PTPN9: variants seen among roughly 807,000 people sequenced by gnomAD.
The protein encoded by PTPN9 is protein tyrosine phosphatase non-receptor type 9.
PTPN9 carries 26 observed loss-of-function variants against 69.8 expected under a neutral mutation model. The observed-to-expected ratio is 0.37, with a 90% CI of 0.27 to 0.52. The LOEUF (loss-of-function observed/expected upper bound fraction) is 0.52. PTPN9 is among the 20% of genes least tolerant of loss of function. The pLI, the probability that PTPN9 is intolerant of heterozygous loss-of-function variation, is 0.91. For synonymous variants in PTPN9, 274 were observed against 272.5 expected, an observed-to-expected ratio of 1.01 and a Z score of -0.05; for missense variants, 549 against 740.3, an observed-to-expected ratio of 0.74 and a Z score of 3.00.
intron 5 of PTPN9, among the ~76,000 whole-genome samples, chr15:75,516,693 T>A (rs1363540194): frequency 7.2e-6 from 1 of 139,568 alleles, no homozygotes; most frequent in Non-Finnish European, 1.6e-5. Context: ...CAGGCGTGAG[T>A]CATGGCACCC....
chr15:75,578,465 A>G (rs2075183773), intron 1 of PTPN9, among the ~76,000 whole-genome samples: 1 of 152,150 alleles, frequency 6.6e-6, no homozygotes, highest in African/African-American at 2.4e-5. Flanking sequence ...TGGGGTGCGG[A>G]GGGCACCGTC....
chr15:75,572,693 C>T (rs916141559), intron 1 of PTPN9, among the ~76,000 whole-genome samples: 2 of 150,906 alleles, frequency 1.3e-5, no homozygotes, highest in Non-Finnish European at 2.9e-5. Context: ...GGCGACAGAG[C>T]GAGACTCTGT....
In PTPN9 at chr15:75,537,753, C is replaced by CAAAAAAAA. The variant is rs1164644727; in HGVS notation, c.64-10500_64-10493dup. 2.5e-3 allele frequency among the ~76,000 whole-genome samples: 29 copies of CAAAAAAAA among 11,386 alleles called. 3 individuals are homozygous for CAAAAAAAA. The highest frequency in any genetic ancestry group is 8.2e-3 in the African/African-American group (18 of 2,194). 7.5% of individuals were successfully genotyped at this position (11,386 alleles called of 152,430 possible). On this transcript the variant is annotated intron_variant, in intron 1 of 12. Transcript: ENST00000618819. ...AGGGCAACAGAGGGAGACTCCATCT[C>CAAAAAAAA]AAAAAAAAAAAAAAAAAAAAAAAGG...
At chr15:75,489,031 C>T (rs1250460735) in intron 8 of PTPN9, among the ~76,000 whole-genome samples, 1 of 151,624 alleles carries the variant, frequency 6.6e-6, no homozygotes, top group Non-Finnish European at 1.5e-5. Flanking sequence ...AAATATTAGC[C>T]GGGCGTGGTG....
At chr15:75,504,013 C>T (rs554272052) in intron 7 of PTPN9, among the ~76,000 whole-genome samples, 5 of 136,110 alleles carry the variant, frequency 3.7e-5, no homozygotes, top group East Asian at 2.4e-4. Flanking sequence ...CCAGCCGCCC[C>T]GTCCGGGAGG....
At chr15:75,495,665 C>T (rs1243069170) in intron 7 of PTPN9, among the ~76,000 whole-genome samples, 4 of 151,258 alleles carry the variant, frequency 2.6e-5, no homozygotes, top group South Asian at 2.1e-4. Context: ...TGCAGTGAGC[C>T]GAGATCGCGC....
At chr15:75,476,372 T>C (rs1187635259) in intron 9 of PTPN9, among the ~76,000 whole-genome samples, 1 of 152,190 alleles carries the variant, frequency 6.6e-6, no homozygotes, top group East Asian at 1.9e-4. Flanking sequence ...TGGAGTGCAG[T>C]GGCGTGATCT....
intron 4 of PTPN9, among the ~76,000 whole-genome samples, chr15:75,522,381 G>A (rs1291293380): frequency 6.6e-6 from 1 of 151,766 alleles, no homozygotes; most frequent in South Asian, 2.1e-4. Flanking sequence ...TGTTTGTTTT[G>A]TGTGGGCTTT....
At position 75,578,420 on chromosome 15, in the gene PTPN9, C is replaced by T. The variant is rs1315213714; in HGVS notation, c.63+294G>A. Among the ~76,000 whole-genome samples the T allele has an allele frequency of 2.0e-5, 3 of 152,178 alleles. No individual in the cohort carries two copies. In the South Asian group the frequency reaches 6.2e-4, roughly 31 times the overall value. ...TCTGCAAATCTCGGGAAGAAGGCCC[C>T]TGGATCCAAGGAACTTTGCCCCTGG... On this transcript the variant is annotated intron_variant, in intron 1 of 12. Transcript: ENST00000618819.
In PTPN9 at chr15:75,468,743, C is replaced by T. The variant is rs1439808657; in HGVS notation, c.*26G>A. On this transcript the variant is annotated 3_prime_UTR_variant, in exon 13 of 13. Coordinates refer to ENST00000618819, the MANE Select transcript of PTPN9 (RefSeq NM_002833.4). ...CCAGGGTAGTTTAAGGAAGGCTGGC[C>T]AACAGGTAGGAGGTTCGTAGGAGAG... The T allele has an allele frequency of 2.5e-6, 4 of 1,605,492 alleles. No individual in the cohort carries two copies. The East Asian group carries it at 6.7e-5, about 27-fold the overall frequency.
intron 9 of PTPN9, 103 bp from the exon 10 acceptor site, chr15:75,473,870 T>C (rs1427024199): frequency 4.7e-6 from 4 of 843,382 alleles, no homozygotes; most frequent in East Asian, 2.4e-5. Flanking sequence ...AAACCATAGA[T>C]GGTTAGCTCC....
In PTPN9 at chr15:75,509,110, C is replaced by T. The variant is rs906546157; in HGVS notation, c.529-83G>A. 2.8e-5 allele frequency: 30 copies of T among 1,083,022 alleles called. No homozygotes were observed. The Middle Eastern group carries it at 1.2e-3, about 42-fold the overall frequency. The allele number at this position is 1,083,022 out of a possible 1,614,324, so 67.1% of individuals were successfully genotyped here. A position where few individuals can be genotyped will look rare whatever the true frequency, so the allele number is the denominator to read the frequency against. ...AAGTTTAGGTTTTCTGCTCTTCTCC[C>T]CATTCTTACCCAGCAGGGGGAGTCT... On this transcript the variant is annotated intron_variant, in intron 5 of 12. Coordinates refer to ENST00000618819, the MANE Select transcript of PTPN9 (RefSeq NM_002833.4).
chr15:75,515,288 C>T (rs1356986487), intron 5 of PTPN9, among the ~76,000 whole-genome samples: 9 of 151,642 alleles, frequency 5.9e-5, no homozygotes, highest in East Asian at 1.9e-4. Flanking sequence ...ATTAGCCGGG[C>T]GTGGTGGTGG....
chr15:75,571,097 T>C (rs1271379465), intron 1 of PTPN9, among the ~76,000 whole-genome samples: 2 of 151,952 alleles, frequency 1.3e-5, no homozygotes, highest in Non-Finnish European at 1.5e-5. Context: ...CCGTCTCTAC[T>C]AAAAATACAA....
chr15:75,530,214 A>AAAAAG (rs1567506142), intron 1 of PTPN9, among the ~76,000 whole-genome samples: 5 of 144,348 alleles, frequency 3.5e-5, no homozygotes, highest in African/African-American at 1.3e-4. Flanking sequence ...AAAAAAAAAA[A>AAAAAG]AAAAGAAAAG....
chr15:75,537,022 GA>G (rs756891357), intron 1 of PTPN9, among the ~76,000 whole-genome samples: 45 of 152,218 alleles, frequency 3.0e-4, no homozygotes, highest in Non-Finnish European at 5.9e-4. Flanking sequence ...AGAAGATGAA[GA>G]ACAAAGGAAC....
chr15:75,503,955 C>T (rs1330538754), intron 7 of PTPN9, among the ~76,000 whole-genome samples: 1 of 109,776 alleles, frequency 9.1e-6, no homozygotes, highest in Admixed American at 9.1e-5. Flanking sequence ...GTGAGGGGCG[C>T]CTCTGCCCAG....
intron 1 of PTPN9, among the ~76,000 whole-genome samples, chr15:75,558,341 AAAT>A: frequency 6.7e-6 from 1 of 149,504 alleles, no homozygotes; most frequent in South Asian, 2.1e-4. Flanking sequence ...AAAAAAGAAA[AAAT>A]AGAAATACAA....
intron 7 of PTPN9, among the ~76,000 whole-genome samples, chr15:75,503,079 GTC>G (rs1284051248): frequency 6.6e-6 from 1 of 151,202 alleles, no homozygotes; most frequent in Non-Finnish European, 1.5e-5. Flanking sequence ...AGTGAGGAGC[GTC>G]TCTGCCTGGC....
Sources: gnomAD v4.1 joint callset for allele counts (sites outside exome capture counted in the v4.1 genomes callset) on GRCh38, gnomAD v4.1.1 for gene constraint, MANE v1.5 for transcripts, NCBI Gene and HGNC (gene_info 2026-07-23, HGNC 2026-07-21) for gene names.